Variants in NTPCR observed in about 807,000 individuals in gnomAD.
NTPCR encodes nucleoside-triphosphatase, cancer-related, also known as cancer-related nucleoside-triphosphatase.
In NTPCR, 15 loss-of-function variants were observed where a neutral mutation model predicts 19.5. The ratio of observed to expected loss-of-function variants is 0.77; its 90% CI spans 0.51 to 1.18. NTPCR has a LOEUF of 1.18. Among genes scored for constraint, NTPCR ranks in the 50% most tolerant of loss-of-function variants. NTPCR has a pLI of 0.00. For synonymous variants in NTPCR, 90 were observed against 95.8 expected, an observed-to-expected ratio of 0.94 and a Z score of 0.36; for missense variants, 206 against 240.4, an observed-to-expected ratio of 0.86 and a Z score of 0.95.
At chr1:232,976,734 C>T (rs1278741693) in intron 4 of NTPCR, 9 of 623,626 alleles carry the variant, frequency 1.4e-5, no homozygotes, top group Middle Eastern at 4.8e-4. Flanking sequence ...AATGGGATCA[C>T]GGGACTGACG....
chr1:232,970,863 G>A (rs1668956168), intron 4 of NTPCR, among the ~76,000 whole-genome samples: 1 of 152,208 alleles, frequency 6.6e-6, no homozygotes, highest in African/African-American at 2.4e-5. Flanking sequence ...TGTGAGGCTT[G>A]CAGAATGGCA....
chr1:232,971,518 G>A (rs1668979167), intron 4 of NTPCR, among the ~76,000 whole-genome samples: 2 of 152,102 alleles, frequency 1.3e-5, no homozygotes, highest in Admixed American at 1.3e-4. Flanking sequence ...AAAAATGTAT[G>A]CGCTTCTTTA....
intron 1 of NTPCR, among the ~76,000 whole-genome samples, chr1:232,952,634 C>T (rs1381974726): frequency 2.6e-5 from 4 of 152,120 alleles, no homozygotes; most frequent in East Asian, 3.9e-4. Context: ...CCTCAGCCTC[C>T]CTAGTAGCTA....
chr1:232,978,263 G>A lies in NTPCR; in HGVS notation c.*32G>A, dbSNP rs774255392. 3.1e-6 allele frequency: 5 copies of A among 1,597,614 alleles called. No homozygotes were observed. The South Asian group carries it at 4.4e-5, about 14-fold the overall frequency. ...GTGCATTCCTGCCTTCCGTGAAGGA[G>A]TGCCCAGTTCAAGAGGAGCCTGATG... On this transcript the variant is annotated 3_prime_UTR_variant, in exon 5 of 5. Coordinates refer to ENST00000366628, the MANE Select transcript of NTPCR (RefSeq NM_032324.3).
intron 3 of NTPCR, among the ~76,000 whole-genome samples, chr1:232,959,357 C>A (rs1328557887): frequency 6.6e-6 from 1 of 152,180 alleles, no homozygotes; most frequent in Non-Finnish European, 1.5e-5. Flanking sequence ...GCCTCCCCAA[C>A]AATGCGGAAC....
rs1412874368 is a variant in NTPCR, at chr1:232,982,264, T to C, written c.*4033T>C. The C allele has an allele frequency of 3.9e-5, 6 of 152,184 alleles. No individual in the cohort carries two copies. The highest frequency in any genetic ancestry group is 8.8e-5 in the Non-Finnish European group (6 of 68,022). The allele number at this position is 152,184 out of a possible 1,614,324, so 9.4% of individuals were successfully genotyped here. A position where few individuals can be genotyped will look rare whatever the true frequency, so the allele number is the denominator to read the frequency against. On this transcript the variant is annotated 3_prime_UTR_variant, in exon 5 of 5. Coordinates refer to ENST00000366628, the MANE Select transcript of NTPCR (RefSeq NM_032324.3). ...AAGAAAAAGAAGTATGGCTGCACTG[T>C]TGATGGCTGGTCAAACAGCCCCCAA... is the stretch of plus-strand genomic sequence containing the variant.
Position 232,980,471 on chromosome 1 carries a change from C to G in NTPCR, c.*2240C>G, listed in dbSNP as rs1669253516. On this transcript the variant is annotated 3_prime_UTR_variant, in exon 5 of 5. Transcript: ENST00000366628. ...TTTAGTGTGTTTTGTGCCCCCAGAC[C>G]TCAGAGTTGACATTTAGCAGTGATA... 6.6e-6 allele frequency: 1 copy of G among 152,162 alleles called. No homozygotes were observed. The highest frequency in any genetic ancestry group is 2.4e-5 in the African/African-American group (1 of 41,428). 9.4% of individuals were successfully genotyped at this position (152,162 alleles called of 1,614,324 possible). A position where few individuals can be genotyped will look rare whatever the true frequency, so the allele number is the denominator to read the frequency against.
intron 3 of NTPCR, chr1:232,963,227 A>G (rs1053924985): frequency 6.6e-6 from 1 of 152,220 alleles, no homozygotes; most frequent in East Asian, 1.9e-4. Flanking sequence ...GTGAATCAGC[A>G]TAAGAAAATG....
Position 232,978,271 on chromosome 1 carries a change from T to G in NTPCR, c.*40T>G. ...CTGCCTTCCGTGAAGGAGTGCCCAG[T>G]TCAAGAGGAGCCTGATGGAGCCCTG... On this transcript the variant is annotated 3_prime_UTR_variant, in exon 5 of 5. Transcript: ENST00000366628. 6.4e-7 allele frequency: 1 copy of G among 1,571,320 alleles called. No individual in the cohort carries two copies. Among genetic ancestry groups the G allele is most frequent in the Non-Finnish European group, 8.8e-7 (1 of 1,142,422 alleles).
intron 3 of NTPCR, chr1:232,968,584 G>A (rs1356124217): frequency 6.6e-6 from 1 of 152,198 alleles, no homozygotes; most frequent in Non-Finnish European, 1.5e-5. Flanking sequence ...AGGCCTTTAG[G>A]ATCTGGGCCC....
chr1:232,959,122 C>A (rs1456383182), intron 3 of NTPCR, among the ~76,000 whole-genome samples: 1 of 152,140 alleles, frequency 6.6e-6, no homozygotes, highest in African/African-American at 2.4e-5. Context: ...ACCCAAATCT[C>A]ATCTTGAATT....
intron 3 of NTPCR, among the ~76,000 whole-genome samples, chr1:232,961,467 T>C (rs773744868): frequency 1.4e-4 from 21 of 152,266 alleles, no homozygotes; most frequent in Admixed American, 3.3e-4. Flanking sequence ...CAGTTACTAA[T>C]GGGGTTAAAT....
intron 3 of NTPCR, among the ~76,000 whole-genome samples, chr1:232,961,154 CTTTGA>C (rs1668658940): frequency 6.6e-6 from 1 of 152,186 alleles, no homozygotes; most frequent in African/African-American, 2.4e-5. Context: ...GAGTTTTCAT[CTTTGA>C]TTTAACTATT....
intron 1 of NTPCR, among the ~76,000 whole-genome samples, chr1:232,951,987 TG>T (rs1435513911): frequency 1.3e-5 from 2 of 152,192 alleles, no homozygotes; most frequent in Non-Finnish European, 2.9e-5. Context: ...TGGTGGTTCT[TG>T]TTTCTGCTTT....
rs117639930 is a variant in NTPCR at position 232,952,870 on chromosome 1, T to C, written c.34+2126T>C. 1.2e-3 allele frequency among the ~76,000 whole-genome samples: 184 copies of C among 152,294 alleles called. 2 individuals are homozygous for C. The East Asian group carries it at 0.032, about 26-fold the overall frequency. On this transcript the variant is annotated intron_variant, in intron 1 of 4. Transcript: ENST00000366628. ...CTTAGCATTTTTTCCGATTTCCAAC[T>C]GTCTGTACCCATGACTCATCTTGGA...
chr1:232,973,623 A>T (rs568697752), intron 4 of NTPCR, among the ~76,000 whole-genome samples: 44 of 152,396 alleles, frequency 2.9e-4, no homozygotes, highest in African/African-American at 1.0e-3. Flanking sequence ...TTATAGGGCA[A>T]GGATTTGAAA....
chr1:232,953,995 C>G lies in NTPCR; in HGVS notation c.35-1562C>G, dbSNP rs113427049. ...TAAAGAATGTTGCAGTGAATGTCCT[C>G]TTTCACACATTTGTATTGTTGATGT... On this transcript the variant is annotated intron_variant, in intron 1 of 4. Coordinates refer to ENST00000366628, the MANE Select transcript of NTPCR (RefSeq NM_032324.3). Among the ~76,000 whole-genome samples, 606 of 152,310 alleles carry G rather than the reference C, an allele frequency of 4.0e-3. 5 individuals are homozygous for G. The highest frequency in any genetic ancestry group is 0.014 in the African/African-American group (578 of 41,558).
intron 3 of NTPCR, chr1:232,966,328 T>C (rs1468437816): frequency 6.6e-6 from 1 of 152,218 alleles, no homozygotes. Flanking sequence ...GCTCAGGAGC[T>C]AGTCTGTGTG....
chr1:232,970,250 AT>A, intron 4 of NTPCR, 132 bp downstream of exon 4: 1 of 708,682 alleles, frequency 1.4e-6, no homozygotes, highest in South Asian at 1.9e-5. Flanking sequence ...GGTGAGTCTA[AT>A]TTTCTAGAAA....
Sources: allele counts gnomAD v4.1 joint callset (sites outside exome capture counted in the v4.1 genomes callset), GRCh38; gene constraint gnomAD v4.1.1; transcripts MANE v1.5; gene names NCBI Gene and HGNC (gene_info 2026-07-23, HGNC 2026-07-21).